PLPP3: variants seen among roughly 807,000 people sequenced by gnomAD.
PLPP3 encodes PAP2 beta.
PLPP3 carries 6 observed loss-of-function variants against 29.6 expected under a neutral mutation model. The ratio of observed to expected loss-of-function variants is 0.20; its 90% CI spans 0.11 to 0.40. PLPP3 has a LOEUF of 0.40. Among genes scored for constraint, PLPP3 ranks in the 10% least tolerant of loss-of-function variants. The probability of loss-of-function intolerance (pLI) is 1.00; values close to 1 mark genes in which losing one functional copy is unlikely to be tolerated. For synonymous variants in PLPP3, 152 were observed against 159.7 expected, an observed-to-expected ratio of 0.95 and a Z score of 0.36; for missense variants, 308 against 407.7, an observed-to-expected ratio of 0.76 and a Z score of 2.11.
intron 4 of PLPP3, among the ~76,000 whole-genome samples, chr1:56,516,559 ACTG>A (rs1053647799): frequency 1.1e-4 from 17 of 152,144 alleles, no homozygotes; most frequent in Non-Finnish European, 2.2e-4. Context: ...CTTCTAGTCT[ACTG>A]CTGACATTCT....
chr1:56,532,580 C>T (rs180731013), intron 2 of PLPP3, among the ~76,000 whole-genome samples: 2 of 152,230 alleles, frequency 1.3e-5, no homozygotes, highest in South Asian at 2.1e-4. Flanking sequence ...GTCTCTCCAG[C>T]AAGAAATTTG....
chr1:56,555,191 G>T (rs1393555530), intron 1 of PLPP3, among the ~76,000 whole-genome samples: 1 of 151,814 alleles, frequency 6.6e-6, no homozygotes, highest in African/African-American at 2.4e-5. Context: ...AACCAATGCT[G>T]TTGCCATTTC....
At chr1:56,512,408 T>G (rs1336385857) in intron 4 of PLPP3, 1 of 380,154 alleles carries the variant, frequency 2.6e-6, no homozygotes, top group Non-Finnish European at 4.7e-6. Context: ...GGTCAGGTGT[T>G]TGAGACCAGT....
In PLPP3 at chr1:56,564,068, G is replaced by A. The variant is rs891748731; in HGVS notation, c.139+14810C>T. Among the ~76,000 whole-genome samples the A allele has an allele frequency of 2.0e-5, 3 of 152,194 alleles. No homozygotes were observed. The East Asian group carries it at 5.8e-4, about 29-fold the overall frequency. On this transcript the variant is annotated intron_variant, in intron 1 of 5. Coordinates refer to ENST00000371250, the MANE Select transcript of PLPP3 (RefSeq NM_003713.5). Reference sequence around the variant, plus strand: ...CATATGCTCATTATTGAAACTAATAGTGAAAATTCAAATTGCAATCTTAAT... The same window carrying A: ...CATATGCTCATTATTGAAACTAATAATGAAAATTCAAATTGCAATCTTAAT...
At chr1:56,543,200 G>A (rs1430189354) in intron 1 of PLPP3, among the ~76,000 whole-genome samples, 1 of 152,094 alleles carries the variant, frequency 6.6e-6, no homozygotes, top group Non-Finnish European at 1.5e-5. Context: ...TCAAAATATA[G>A]ACTGAAGACC....
Position 56,523,850 on chromosome 1 carries a change from G to A in PLPP3, c.606C>T (p.Phe202=). 3 of 1,613,856 alleles carry A rather than the reference G, an allele frequency of 1.9e-6. No homozygotes were observed. Among genetic ancestry groups the A allele is most frequent in the Non-Finnish European group, 2.5e-6 (3 of 1,179,804 alleles). Residue 202 remains phenylalanine, a synonymous_variant, in exon 4 of 6, where the codon TTC becomes TTT. Coordinates refer to ENST00000371250, the MANE Select transcript of PLPP3 (RefSeq NM_003713.5). ...CCAAATACAGCATAGTGTACATGGA[G>A]AAGGAGGCATGGCCAGAGAAGAAGG... ...RKSFFSGHAS[F]SMYTMLYLVL...
intron 5 of PLPP3, among the ~76,000 whole-genome samples, chr1:56,502,841 T>C (rs1249950786): frequency 1.3e-5 from 2 of 152,228 alleles, no homozygotes; most frequent in Non-Finnish European, 2.9e-5. Flanking sequence ...GTTCAAAAAC[T>C]GTAGCTCTTA....
chr1:56,573,493 C>G (rs1490819427), intron 1 of PLPP3, among the ~76,000 whole-genome samples: 1 of 151,438 alleles, frequency 6.6e-6, no homozygotes, highest in Non-Finnish European at 1.5e-5. Context: ...CTTAAGATAT[C>G]AGCTGTTAAA....
At chr1:56,538,831 C>T (rs1274490241) in intron 1 of PLPP3, 1 of 156,740 alleles carries the variant, frequency 6.4e-6, no homozygotes, top group Non-Finnish European at 1.4e-5. Flanking sequence ...AAGTGCCAGC[C>T]TGCTCTACCA....
chr1:56,559,611 TA>T (rs1646107838), intron 1 of PLPP3, among the ~76,000 whole-genome samples: 1 of 151,824 alleles, frequency 6.6e-6, no homozygotes, highest in Non-Finnish European at 1.5e-5. Flanking sequence ...CATTTTATGT[TA>T]AGGTACAAAT....
At chr1:56,561,442 T>C (rs1447500356) in intron 1 of PLPP3, among the ~76,000 whole-genome samples, 2 of 152,118 alleles carry the variant, frequency 1.3e-5, no homozygotes, top group Non-Finnish European at 1.5e-5. Flanking sequence ...TCACACTGAC[T>C]TACAGGAAGC....
chr1:56,560,091 C>T (rs1777284), intron 1 of PLPP3, among the ~76,000 whole-genome samples: 52,927 of 151,990 alleles, frequency 0.35, 10,277 homozygotes, highest in Admixed American at 0.48. Context: ...TTCAACTCGG[C>T]TACCTCTATA....
rs146982298 is a variant in PLPP3, at chr1:56,557,776, G to A, written c.140-20664C>T. 3.5e-3 allele frequency among the ~76,000 whole-genome samples: 538 copies of A among 152,214 alleles called. 4 individuals are homozygous for A. The highest frequency in any genetic ancestry group is 2.7e-3 in the Non-Finnish European group (187 of 68,000). On this transcript the variant is annotated intron_variant, in intron 1 of 5. Coordinates refer to ENST00000371250, the MANE Select transcript of PLPP3 (RefSeq NM_003713.5). ...AAGATAGCTTCTGAAACCAACTTTC[G>A]AGGGTTTTGAAATCTAAACCCTCAC... is the stretch of plus-strand genomic sequence containing the variant.
chr1:56,525,863 G>A (rs1049499574), intron 2 of PLPP3, among the ~76,000 whole-genome samples: 1 of 152,138 alleles, frequency 6.6e-6, no homozygotes, highest in Admixed American at 6.5e-5. Flanking sequence ...TTTTACAGTG[G>A]AGGAAAGCAT....
In PLPP3 at chr1:56,496,448, CAA is replaced by C. The variant is rs1306217876; in HGVS notation, c.*101_*102del. The C allele has an allele frequency of 2.2e-6, 3 of 1,383,306 alleles. No homozygotes were observed. The African/African-American group carries it at 4.4e-5, about 20-fold the overall frequency. 85.7% of individuals were successfully genotyped at this position (1,383,306 alleles called of 1,614,324 possible). A position where few individuals can be genotyped will look rare whatever the true frequency, so the allele number is the denominator to read the frequency against. On this transcript the variant is annotated 3_prime_UTR_variant, in exon 6 of 6. Transcript: ENST00000371250. ...TTTTCCTTTTTAAAAATCAGTCGGG[CAA>C]AAGTTTTTCCCTACATTCTACTGTC... is the stretch of plus-strand genomic sequence containing the variant.
At position 56,579,262 on chromosome 1, in the gene PLPP3, AG is replaced by A; in HGVS notation, c.-247del. 1 of 469,836 alleles carries A rather than the reference AG, an allele frequency of 2.1e-6. No homozygotes were observed. Among genetic ancestry groups the A allele is most frequent in the Non-Finnish European group, 3.7e-6 (1 of 269,628 alleles). The allele number at this position is 469,836 out of a possible 1,614,324, so 29.1% of individuals were successfully genotyped here. On this transcript the variant is annotated 5_prime_UTR_variant, in exon 1 of 6. Coordinates refer to ENST00000371250, the MANE Select transcript of PLPP3 (RefSeq NM_003713.5). The stretch of plus-strand genomic sequence containing the variant: ...CAACCCTAAATCGTTCTAAAGTCCA[AG>A]GGGAAGAGAGCCAGATCCCGAGCAG...
intron 1 of PLPP3, among the ~76,000 whole-genome samples, chr1:56,543,078 A>T (rs1645981023): frequency 1.3e-5 from 2 of 152,002 alleles, no homozygotes. Context: ...GTACAGAGTT[A>T]TGAGTAGGTA....
intron 2 of PLPP3, among the ~76,000 whole-genome samples, chr1:56,535,292 C>A (rs1375118882): frequency 1.3e-5 from 2 of 152,182 alleles, no homozygotes. Context: ...CTAAGAATAT[C>A]TAGCTCTTGG....
chr1:56,541,327 TAG>T (rs1645967450), intron 1 of PLPP3, among the ~76,000 whole-genome samples: 1 of 152,110 alleles, frequency 6.6e-6, no homozygotes, highest in Admixed American at 6.6e-5. Flanking sequence ...GCTATAGAGC[TAG>T]AGGAGATGAA....
Sources: gnomAD v4.1 joint callset for allele counts (sites outside exome capture counted in the v4.1 genomes callset) on GRCh38, gnomAD v4.1.1 for gene constraint, MANE v1.5 for transcripts, NCBI Gene and HGNC (gene_info 2026-07-23, HGNC 2026-07-21) for gene names.